RORA: variants seen among roughly 807,000 people sequenced by gnomAD.
RORA encodes the protein RAR related orphan receptor A, also known as nuclear receptor ROR-alpha.
In RORA, 7 loss-of-function variants were observed where a neutral mutation model predicts 69.5. The ratio of observed to expected loss-of-function variants is 0.10; its 90% CI spans 0.06 to 0.19. The LOEUF (loss-of-function observed/expected upper bound fraction) is 0.19, where lower values mean the gene tolerates loss of function less well. RORA is among the 10% of genes least tolerant of loss of function. The pLI is 1.00. For missense variants in RORA, 457 were observed against 663.0 expected (o/e 0.69, Z 3.41); for synonymous variants, 261 against 240.8 (o/e 1.08, Z -0.78).
At chr15:60,611,506 T>C (rs1023904877) in intron 2 of RORA, among the ~76,000 whole-genome samples, 4 of 121,700 alleles carry the variant, frequency 3.3e-5, no homozygotes, top group Non-Finnish European at 6.5e-5. Flanking sequence ...TTCTTTGTCT[T>C]GGTAGAAAGC....
chr15:60,975,777 C>T (rs750381782), intron 1 of RORA, among the ~76,000 whole-genome samples: 17 of 152,346 alleles, frequency 1.1e-4, no homozygotes, highest in Non-Finnish European at 2.4e-4. Flanking sequence ...AGACCCCTAA[C>T]AGAGTTCCCT....
chr15:61,031,848 G>A (rs1025566844), intron 1 of RORA, among the ~76,000 whole-genome samples: 1 of 152,158 alleles, frequency 6.6e-6, no homozygotes, highest in African/African-American at 2.4e-5. Flanking sequence ...CTCTTCTTAT[G>A]CAAAAGACTA....
At chr15:60,546,516 T>C (rs2067074373) in intron 2 of RORA, 1 of 152,130 alleles carries the variant, frequency 6.6e-6, no homozygotes, top group Non-Finnish European at 1.5e-5. Context: ...GGAAAATAGG[T>C]AGCAGTTCTG....
intron 1 of RORA, among the ~76,000 whole-genome samples, chr15:61,138,032 T>G (rs2079261752): frequency 6.6e-6 from 1 of 152,234 alleles, no homozygotes; most frequent in Non-Finnish European, 1.5e-5. Flanking sequence ...TTCCATGCTT[T>G]CTTTATATTG....
At chr15:60,910,355 A>G (rs940088202) in intron 1 of RORA, among the ~76,000 whole-genome samples, 4 of 152,232 alleles carry the variant, frequency 2.6e-5, no homozygotes, top group African/African-American at 9.6e-5. Context: ...GGAAATGTGA[A>G]TATTAATCCC....
intron 3 of RORA, among the ~76,000 whole-genome samples, chr15:60,524,337 A>T (rs35685778): frequency 6.6e-6 from 1 of 152,146 alleles, no homozygotes; most frequent in African/African-American, 2.4e-5. Context: ...AAACTGATCA[A>T]GTCACTTCTC....
At chr15:61,152,654 C>T (rs1018411554) in intron 1 of RORA, among the ~76,000 whole-genome samples, 2 of 152,066 alleles carry the variant, frequency 1.3e-5, no homozygotes, top group Non-Finnish European at 2.9e-5. Context: ...GATCTTTCTG[C>T]CCTTATAGAG....
intron 2 of RORA, among the ~76,000 whole-genome samples, chr15:60,659,104 A>G (rs2070265242): frequency 6.6e-6 from 1 of 152,244 alleles, no homozygotes; most frequent in Admixed American, 6.5e-5. Flanking sequence ...CTTGGAAATC[A>G]TGTTCAATAA....
chr15:60,877,612 A>G (rs2073632622), intron 1 of RORA, among the ~76,000 whole-genome samples: 1 of 152,232 alleles, frequency 6.6e-6, no homozygotes, highest in African/African-American at 2.4e-5. Flanking sequence ...CTGTTATCAT[A>G]TCCAAGCATT....
intron 1 of RORA, among the ~76,000 whole-genome samples, chr15:61,195,357 G>A (rs2079837706): frequency 6.6e-6 from 1 of 151,796 alleles, no homozygotes; most frequent in Admixed American, 6.6e-5. Context: ...GCTCTTCCCA[G>A]AGGTCTGCAG....
At chr15:60,661,072 AGAG>A (rs2070296470) in intron 2 of RORA, among the ~76,000 whole-genome samples, 1 of 133,056 alleles carries the variant, frequency 7.5e-6, no homozygotes, top group African/African-American at 2.7e-5. Flanking sequence ...AAAAAAAAAT[AGAG>A]GAGTTATTTT....
At chr15:60,956,457 A>G (rs1417454817) in intron 1 of RORA, among the ~76,000 whole-genome samples, 5 of 152,338 alleles carry the variant, frequency 3.3e-5, no homozygotes, top group Middle Eastern at 6.8e-3. Flanking sequence ...AACAATGACA[A>G]TTTAAAAGAA....
At position 60,537,625 on chromosome 15, in the gene RORA, A is replaced by G. The variant is rs1035636217; in HGVS notation, c.197-5774T>C. 2.6e-5 allele frequency among the ~76,000 whole-genome samples: 4 copies of G among 152,242 alleles called. No individual in the cohort carries two copies. Among genetic ancestry groups the G allele is most frequent in the Non-Finnish European group, 4.4e-5 (3 of 68,040 alleles). ...TTGGAATAGAGTATGGGTATGTTCC[A>G]TAGCACAGGCATGTTCAATGGCCAT... On this transcript the variant is annotated intron_variant, in intron 2 of 10. Coordinates refer to ENST00000335670, the MANE Select transcript of RORA (RefSeq NM_134261.3). The surrounding 1 kb of genome is among the most constrained non-coding windows in gnomAD (Gnocchi z 4.9).
chr15:60,918,509 T>G (rs188964820), intron 1 of RORA, among the ~76,000 whole-genome samples: 3 of 152,358 alleles, frequency 2.0e-5, no homozygotes, highest in African/African-American at 7.2e-5. Flanking sequence ...GGAATTGCCA[T>G]GTAGAAACTG....
At chr15:61,050,109 A>G (rs1897227966) in intron 1 of RORA, among the ~76,000 whole-genome samples, 1 of 152,208 alleles carries the variant, frequency 6.6e-6, no homozygotes, top group Non-Finnish European at 1.5e-5. Context: ...CTCCTAGAGC[A>G]GGGGTCAGAA....
At chr15:60,608,019 T>G (rs2068992694) in intron 2 of RORA, among the ~76,000 whole-genome samples, 1 of 152,212 alleles carries the variant, frequency 6.6e-6, no homozygotes, top group Admixed American at 6.5e-5. Context: ...CCAAGGCAGC[T>G]GCAAAACGTC....
chr15:60,882,662 CACACACACAA>C (rs1278662313), intron 1 of RORA, among the ~76,000 whole-genome samples: 2 of 135,756 alleles, frequency 1.5e-5, no homozygotes, highest in East Asian at 2.3e-4. Context: ...CACACACACA[CACACACACAA>C]ACACACACAC....
chr15:61,043,390 A>G (rs923578338), intron 1 of RORA, among the ~76,000 whole-genome samples: 6 of 152,188 alleles, frequency 3.9e-5, no homozygotes, highest in African/African-American at 1.4e-4. Context: ...CTCCTCCAGA[A>G]AATACTTACC....
chr15:61,093,543 A>T (rs1016252437), intron 1 of RORA, among the ~76,000 whole-genome samples: 1 of 152,238 alleles, frequency 6.6e-6, no homozygotes, highest in African/African-American at 2.4e-5. Flanking sequence ...GTCACAGGGG[A>T]CATGCAGAAA....
Sources: allele counts gnomAD v4.1 joint callset (sites outside exome capture counted in the v4.1 genomes callset), GRCh38; gene constraint gnomAD v4.1.1; non-coding constraint Gnocchi (gnomAD v3.1); transcripts MANE v1.5; gene names NCBI Gene and HGNC (gene_info 2026-07-23, HGNC 2026-07-21).